The following BCAN variants were observed in gnomAD, a reference collection of about 807,000 sequenced individuals.
BCAN encodes the protein brevican core protein.
A neutral mutation model predicts 92.4 loss-of-function variants in BCAN; 51 were observed. That is an observed-to-expected ratio of 0.55 (90% CI 0.44 to 0.70). The LOEUF (loss-of-function observed/expected upper bound fraction) is 0.70. Among genes scored for constraint, BCAN ranks in the 30% least tolerant of loss-of-function variants. The pLI is 0.00. For missense variants in BCAN, 1,140 were observed against 1,212.1 expected (o/e 0.94, Z 0.88); for synonymous variants, 501 against 505.2 (o/e 0.99, Z 0.11).
intron 6 of BCAN, among the ~76,000 whole-genome samples, chr1:156,650,263 G>A (rs1434478087): frequency 6.6e-6 from 1 of 152,116 alleles, no homozygotes; most frequent in African/African-American, 2.4e-5. Context: ...GGCAGGGGAG[G>A]GGGAATATGA....
In BCAN at chr1:156,651,649, C is replaced by T; in HGVS notation, c.1257C>T (p.Ser419=). 1 of 1,613,624 alleles carries T rather than the reference C, an allele frequency of 6.2e-7. No individual in the cohort carries two copies. The highest frequency in any genetic ancestry group is 8.5e-7 in the Non-Finnish European group (1 of 1,180,002). Reference sequence around the variant, plus strand: ...TGGAGGACGGAGGAGGTGGAAGCTCCACTCCAGAAGACCCAGCAGAGGCCC... The same window carrying T: ...TGGAGGACGGAGGAGGTGGAAGCTCTACTCCAGAAGACCCAGCAGAGGCCC... ...PIMEDGGGGS[S]TPEDPAEAPR... Residue 419 remains serine, a synonymous_variant, in exon 7 of 14, where the codon TCC becomes TCT. Transcript: ENST00000329117.
chr1:156,658,504 A>C lies in BCAN; in HGVS notation c.2438-39A>C. 1 of 1,590,004 alleles carries C rather than the reference A, an allele frequency of 6.3e-7. No homozygotes were observed. ...ATGGAGATTCTGGGAACTGTCACCC[A>C]CAGAGCCAGGCTCAGTTCCTAACTG... is the stretch of plus-strand genomic sequence containing the variant. On this transcript the variant is annotated intron_variant, in intron 12 of 13. Transcript: ENST00000329117. This position sits in a 1 kb window ranked among gnomAD's most constrained non-coding sequence, Gnocchi z 4.4.
chr1:156,646,707 G>C, intron 2 of BCAN, 94 bp from the exon 3 acceptor site: 1 of 1,485,636 alleles, frequency 6.7e-7, no homozygotes, highest in Non-Finnish European at 8.9e-7. Context: ...TCCTGGGGCC[G>C]GAAGGAGGGA....
intron 9 of BCAN, chr1:156,656,721 G>T: frequency 1.6e-6 from 1 of 622,348 alleles, no homozygotes; most frequent in Non-Finnish European, 2.7e-6. Context: ...CCTCACCCTG[G>T]TTCCTGTCTC....
chr1:156,647,012 C>CT lies in BCAN; in HGVS notation c.303_304insT (p.Glu102Ter). On this transcript the variant is annotated frameshift_variant, in exon 3 of 14. Coordinates refer to ENST00000329117, the MANE Select transcript of BCAN (RefSeq NM_021948.5). LOFTEE classifies it high-confidence loss of function. This position sits in a 1 kb window ranked among gnomAD's most constrained non-coding sequence, Gnocchi z 4.8. ...CGCGGGGAGTGCGCGTCAAGGTGAA[C>CT]GAGGCCTACCGGTTCCGCGTGGCAC... 1 of 1,612,814 alleles carries CT rather than the reference C, an allele frequency of 6.2e-7. No individual in the cohort carries two copies. The highest frequency in any genetic ancestry group is 8.5e-7 in the Non-Finnish European group (1 of 1,179,424).
chr1:156,658,974 G>C lies in BCAN; in HGVS notation c.2629-53G>C, dbSNP rs1323814005. On this transcript the variant is annotated intron_variant, in intron 13 of 13. Transcript: ENST00000329117. This position sits in a 1 kb window ranked among gnomAD's most constrained non-coding sequence, Gnocchi z 4.4. ...GCAAGAACATCAGAGGGCAGGCTCT[G>C]AGGAGAGGAGAAGGAAGAGCCAGGG... 6.7e-7 allele frequency: 1 copy of C among 1,485,124 alleles called. No individual in the cohort carries two copies. Among genetic ancestry groups the C allele is most frequent in the African/African-American group, 1.4e-5 (1 of 72,506 alleles). The allele number at this position is 1,485,124 out of a possible 1,614,324, so 92.0% of individuals were successfully genotyped here.
Position 156,652,360 on chromosome 1 carries a change from AGAG to A in BCAN, c.1418_1420del (p.Glu473del), listed in dbSNP as rs1557989796. ...AAGAAGAGAAAGAGGAGGAAGAAGAAGAGGAGGAGGTGGAGGATGAGGCTCTGT... is the reference window on the plus strand; with the variant it reads ...AAGAAGAGAAAGAGGAGGAAGAAGAAGAGGAGGTGGAGGATGAGGCTCTGT... On this transcript the variant is annotated inframe_deletion, in exon 8 of 14. Coordinates refer to ENST00000329117, the MANE Select transcript of BCAN (RefSeq NM_021948.5). 1 of 1,613,428 alleles carries A rather than the reference AGAG, an allele frequency of 6.2e-7. No individual in the cohort carries two copies. Among genetic ancestry groups the A allele is most frequent in the Non-Finnish European group, 8.5e-7 (1 of 1,179,680 alleles).
Position 156,656,952 on chromosome 1 carries a change from A to C in BCAN, c.2065A>C (p.Asn689His). 6.2e-7 allele frequency: 1 copy of C among 1,613,772 alleles called. No individual in the cohort carries two copies. The highest frequency in any genetic ancestry group is 1.7e-4 in the Middle Eastern group (1 of 6,030). Residue 689 changes from asparagine to histidine, a missense_variant, in exon 10 of 14, where the codon AAC becomes CAC. Coordinates refer to ENST00000329117, the MANE Select transcript of BCAN (RefSeq NM_021948.5). Reference sequence around the variant, plus strand: ...ATGTGCCGCAGGCCTCCGCTTCTGCAACCCCGGCTGGGACGCCTTCCAGGG... The same window carrying C: ...ATGTGCCGCAGGCCTCCGCTTCTGCCACCCCGGCTGGGACGCCTTCCAGGG... ...DLCDVGLRFC[N>H]PGWDAFQGAC...
intron 6 of BCAN, among the ~76,000 whole-genome samples, chr1:156,650,472 C>T (rs1394695777): frequency 1.3e-5 from 2 of 152,188 alleles, no homozygotes; most frequent in Admixed American, 6.5e-5. Context: ...TGGCTCCCTT[C>T]CCCAGAGGAC....
chr1:156,650,858 G>A (rs1427587005), intron 6 of BCAN, among the ~76,000 whole-genome samples: 9 of 152,338 alleles, frequency 5.9e-5, no homozygotes, highest in South Asian at 4.1e-4. Context: ...CGGGAGAACC[G>A]CTTGAATCCA....
intron 6 of BCAN, among the ~76,000 whole-genome samples, chr1:156,650,082 C>T (rs1243569410): frequency 6.6e-6 from 1 of 151,884 alleles, no homozygotes; most frequent in African/African-American, 2.4e-5. Flanking sequence ...AAGTAAAAGT[C>T]CATAGGAAGA....
In BCAN at chr1:156,647,801, A is replaced by G. The variant is rs1326540572; in HGVS notation, c.641+119A>G. ...ATGCAGGGCTTTTTGCCTCTGGGGG[A>G]TGAGGCTGGTCTGAGGAGGGGAGGT... On this transcript the variant is annotated intron_variant, in intron 4 of 13. Transcript: ENST00000329117. The surrounding 1 kb of genome is among the most constrained non-coding windows in gnomAD (Gnocchi z 4.8). The G allele has an allele frequency of 3.9e-6, 6 of 1,533,566 alleles. No individual in the cohort carries two copies. The highest frequency in any genetic ancestry group is 5.4e-6 in the Non-Finnish European group (6 of 1,117,370). The allele number at this position is 1,533,566 out of a possible 1,614,324, so 95.0% of individuals were successfully genotyped here. A position where few individuals can be genotyped will look rare whatever the true frequency, so the allele number is the denominator to read the frequency against.
Position 156,656,954 on chromosome 1 carries a change from C to G in BCAN, c.2067C>G (p.Asn689Lys). 1 of 1,613,924 alleles carries G rather than the reference C, an allele frequency of 6.2e-7. No individual in the cohort carries two copies. Among genetic ancestry groups the G allele is most frequent in the Non-Finnish European group, 8.5e-7 (1 of 1,179,818 alleles). Residue 689 changes from asparagine (N) to lysine (K), a missense_variant, in exon 10 of 14, where the codon AAC becomes AAG. By Grantham distance (94) the Asn-to-Lys change is moderately conservative. This residue lies in a region of BCAN where 825 missense variants were observed against 871.8 expected (regional missense o/e 0.95). Coordinates refer to ENST00000329117, the MANE Select transcript of BCAN (RefSeq NM_021948.5). Reference protein sequence around the residue: ...DLCDVGLRFCNPGWDAFQGAC... With the variant: ...DLCDVGLRFCKPGWDAFQGAC... The stretch of plus-strand genomic sequence containing the variant: ...GTGCCGCAGGCCTCCGCTTCTGCAA[C>G]CCCGGCTGGGACGCCTTCCAGGGCG...
chr1:156,657,947 T>C (rs1478711964), intron 11 of BCAN, among the ~76,000 whole-genome samples, 180 bp from the exon 12 acceptor site: 6 of 150,920 alleles, frequency 4.0e-5, no homozygotes, highest in African/African-American at 1.5e-4. Flanking sequence ...CTGGCTCCCA[T>C]TCTCCCTCCC....
At position 156,656,406 on chromosome 1, in the gene BCAN, G is replaced by A. The variant is rs756974203; in HGVS notation, c.2050+17G>A. 1.0e-5 allele frequency: 14 copies of A among 1,342,418 alleles called. No individual in the cohort carries two copies. The highest frequency in any genetic ancestry group is 5.1e-5 in the South Asian group (2 of 39,520). 83.2% of individuals were successfully genotyped at this position (1,342,418 alleles called of 1,614,324 possible). ...GCGATGTTGGTGAGTGTTGAGGGAC[G>A]GGGGGCAGGTTTGAAGCCTGGACCC... On this transcript the variant is annotated intron_variant, in intron 9 of 13. Transcript: ENST00000329117.
chr1:156,649,009 G>C (rs1679075867), intron 6 of BCAN, 148 bp downstream of exon 6: 2 of 1,009,130 alleles, frequency 2.0e-6, no homozygotes, highest in African/African-American at 3.2e-5. Context: ...GTCATCTAGG[G>C]TTCTAATTCT....
chr1:156,656,855 T>C (rs1679347569), intron 9 of BCAN, 83 bp from the exon 10 acceptor site: 1 of 1,541,072 alleles, frequency 6.5e-7, no homozygotes, highest in Non-Finnish European at 8.8e-7. Flanking sequence ...CGGCCTGCGG[T>C]AGTGGAAGGA....
chr1:156,659,168 C>T lies in BCAN; in HGVS notation c.*34C>T. Reference sequence around the variant, plus strand: ...GCCTTGAACACTGCCGGCCACAGCACTGCCCTGTCACCCAAATTTTCCCTC... The same window carrying T: ...GCCTTGAACACTGCCGGCCACAGCATTGCCCTGTCACCCAAATTTTCCCTC... On this transcript the variant is annotated 3_prime_UTR_variant, in exon 14 of 14. Transcript: ENST00000329117. 1 of 1,495,782 alleles carries T rather than the reference C, an allele frequency of 6.7e-7. No individual in the cohort carries two copies. Among genetic ancestry groups the T allele is most frequent in the Non-Finnish European group, 9.0e-7 (1 of 1,114,438 alleles). The allele number at this position is 1,495,782 out of a possible 1,614,324, so 92.7% of individuals were successfully genotyped here. A position where few individuals can be genotyped will look rare whatever the true frequency, so the allele number is the denominator to read the frequency against.
intron 2 of BCAN, chr1:156,646,514 G>C (rs1678967863): frequency 1.9e-6 from 1 of 532,444 alleles, no homozygotes; most frequent in Non-Finnish European, 3.2e-6. Context: ...GTGTGGTCTA[G>C]GAATTTTGGA....
Sources: gnomAD v4.1 joint callset for allele counts (sites outside exome capture counted in the v4.1 genomes callset) on GRCh38, gnomAD v4.1.1 for gene constraint, gnomAD v4.1.1 regional missense constraint, Gnocchi (gnomAD v3.1) non-coding constraint, MANE v1.5 for transcripts, NCBI Gene and HGNC (gene_info 2026-07-23, HGNC 2026-07-21) for gene names.